TRA2A: variants seen among roughly 807,000 people sequenced by gnomAD.
The protein encoded by TRA2A is transformer 2 alpha homolog.
In TRA2A, 31 loss-of-function variants were observed where a neutral mutation model predicts 45.7. The observed-to-expected ratio is 0.68, with a 90% CI of 0.51 to 0.92. The LOEUF is 0.92. Among genes scored for constraint, TRA2A ranks in the 40% least tolerant of loss-of-function variants. The pLI is 0.00. For synonymous variants in TRA2A, 132 were observed against 126.2 expected (o/e 1.05, Z -0.31); for missense variants, 304 against 367.5 (o/e 0.83, Z 1.41).
intron 2 of TRA2A, among the ~76,000 whole-genome samples, chr7:23,520,683 ATTTTTTTTT>A (rs11346990): frequency 2.3e-5 from 3 of 129,724 alleles, no homozygotes; most frequent in Admixed American, 8.2e-5. Context: ...GCTGTTTTAA[ATTTTTTTTT>A]TTTTTTTTTT....
At chr7:23,530,495 A>G (rs1221223739) in intron 1 of TRA2A, among the ~76,000 whole-genome samples, 1 of 152,178 alleles carries the variant, frequency 6.6e-6, no homozygotes, top group Non-Finnish European at 1.5e-5. Context: ...AGGTGTTTTT[A>G]TGTGCTTCCC....
chr7:23,514,691 G>A (rs971779325), intron 3 of TRA2A, among the ~76,000 whole-genome samples: 1 of 151,912 alleles, frequency 6.6e-6, no homozygotes, highest in Non-Finnish European at 1.5e-5. Flanking sequence ...GCCTCCTTGG[G>A]CTCAGGGAAT....
At chr7:23,514,419 T>C (rs1436066485) in intron 3 of TRA2A, among the ~76,000 whole-genome samples, 1 of 152,162 alleles carries the variant, frequency 6.6e-6, no homozygotes, top group Non-Finnish European at 1.5e-5. Context: ...GAGGAAAATC[T>C]CTTTGAACAA....
chr7:23,516,233 G>A (rs1789864162), intron 3 of TRA2A, 130 bp downstream of exon 3: 8 of 803,128 alleles, frequency 1.0e-5, no homozygotes, highest in Middle Eastern at 3.8e-4. Flanking sequence ...GAAAGCTAAA[G>A]CAGCTTATTA....
chr7:23,518,300 G>C (rs1284226871), intron 2 of TRA2A, among the ~76,000 whole-genome samples: 1 of 151,654 alleles, frequency 6.6e-6, no homozygotes, highest in Non-Finnish European at 1.5e-5. Flanking sequence ...TCTAGTATCT[G>C]CTAAACTAAT....
chr7:23,513,147 C>CTGTG, intron 3 of TRA2A, 65 bp from the exon 4 acceptor site: 1 of 1,226,340 alleles, frequency 8.2e-7, no homozygotes, highest in Non-Finnish European at 1.1e-6. Flanking sequence ...CACAGAAATA[C>CTGTG]TTTGTTTAGA....
intron 4 of TRA2A, among the ~76,000 whole-genome samples, chr7:23,509,396 AG>A (rs1009470879): frequency 6.6e-6 from 1 of 152,166 alleles, no homozygotes; most frequent in African/African-American, 2.4e-5. Context: ...TTTCAGAATC[AG>A]GGAGAAGTTA....
chr7:23,515,268 C>T (rs1328962038), intron 3 of TRA2A, among the ~76,000 whole-genome samples: 6 of 125,290 alleles, frequency 4.8e-5, no homozygotes, highest in Non-Finnish European at 6.2e-5. Context: ...CTCGCTCTGT[C>T]GCCCAGGCTG....
At chr7:23,527,942 G>A (rs1388326959) in intron 1 of TRA2A, among the ~76,000 whole-genome samples, 4 of 152,100 alleles carry the variant, frequency 2.6e-5, no homozygotes, top group African/African-American at 7.2e-5. Flanking sequence ...TGCTTAAATG[G>A]AAGGGGAGAG....
rs561487992 is a variant in TRA2A at position 23,507,398 on chromosome 7, C to T, written c.641+22G>A. ...ATTTCTGGTGGATTTCATAGTTTAGCTTAGGAAACTTGAACTCTTACTGAG... is the reference window on the plus strand; with the variant it reads ...ATTTCTGGTGGATTTCATAGTTTAGTTTAGGAAACTTGAACTCTTACTGAG... On this transcript the variant is annotated intron_variant, in intron 5 of 7. Transcript: ENST00000297071. The T allele has an allele frequency of 1.9e-6, 3 of 1,584,248 alleles. No homozygotes were observed. In the African/African-American group the frequency reaches 4.0e-5, roughly 21 times the overall value.
intron 4 of TRA2A, among the ~76,000 whole-genome samples, chr7:23,511,560 A>T (rs912304080): frequency 6.6e-6 from 1 of 151,978 alleles, no homozygotes; most frequent in Admixed American, 6.6e-5. Context: ...CAATTTTCTA[A>T]ATCAATTACT....
chr7:23,529,762 A>G (rs117953636), intron 1 of TRA2A, among the ~76,000 whole-genome samples: 1 of 152,184 alleles, frequency 6.6e-6, no homozygotes, highest in Non-Finnish European at 1.5e-5. Context: ...AATATTTCCT[A>G]TGACCACAAA....
At chr7:23,525,484 G>GT (rs1173118845) in intron 1 of TRA2A, among the ~76,000 whole-genome samples, 1 of 152,086 alleles carries the variant, frequency 6.6e-6, no homozygotes, top group Non-Finnish European at 1.5e-5. Flanking sequence ...AACTCAACTC[G>GT]TATCATGAAT....
rs567187750 is a variant in TRA2A at position 23,511,370 on chromosome 7, C to CAAAAAAAAAAAAAAAAAA, written c.525+1506_525+1523dup. On this transcript the variant is annotated intron_variant, in intron 4 of 7. Coordinates refer to ENST00000297071, the MANE Select transcript of TRA2A (RefSeq NM_013293.5). ...TGGGCGACAGAGCGAGACTCCATCT[C>CAAAAAAAAAAAAAAAAAA]AAAAAAAAAAAAAAAAAAAAAAAAA... Among the ~76,000 whole-genome samples the CAAAAAAAAAAAAAAAAAA allele has an allele frequency of 1.2e-4, 5 of 40,116 alleles. 1 individual carries two copies. Among genetic ancestry groups the CAAAAAAAAAAAAAAAAAA allele is most frequent in the South Asian group, 1.4e-3 (1 of 720 alleles). The allele number at this position is 40,116 out of a possible 152,430, so 26.3% of individuals were successfully genotyped here.
intron 1 of TRA2A, among the ~76,000 whole-genome samples, chr7:23,528,751 T>C (rs1330932395): frequency 6.6e-6 from 1 of 151,694 alleles, no homozygotes; most frequent in Non-Finnish European, 1.5e-5. Context: ...CACTGCAACC[T>C]CTGCCTCCCG....
chr7:23,526,494 G>A (rs750434527), intron 1 of TRA2A, among the ~76,000 whole-genome samples: 4 of 152,100 alleles, frequency 2.6e-5, no homozygotes, highest in Admixed American at 1.3e-4. Flanking sequence ...GAAATGTACC[G>A]AAATTATTCA....
rs898416400 is a variant in TRA2A, at chr7:23,516,420, C to T, written c.279G>A (p.Arg93=). Residue 93 remains arginine (R), a synonymous_variant, in exon 3 of 8, where the codon CGG becomes CGA. Coordinates refer to ENST00000297071, the MANE Select transcript of TRA2A (RefSeq NM_013293.5). ...RSRSYTPEYR[R]RRSRSHSPMS... is the part of the protein sequence containing the mutation. ...TTGGAGAATGGCTTCGGCTCCTTCG[C>T]CGCCGGTATTCTGGTGTATATGATC... 1.2e-6 allele frequency: 2 copies of T among 1,614,246 alleles called. No homozygotes were observed. Among genetic ancestry groups the T allele is most frequent in the African/African-American group, 1.3e-5 (1 of 75,064 alleles).
At chr7:23,512,830 G>C (rs1789689128) in intron 4 of TRA2A, 64 bp downstream of exon 4, 3 of 1,144,418 alleles carry the variant, frequency 2.6e-6, no homozygotes, top group Admixed American at 5.5e-5. Context: ...ACAGAAATAA[G>C]TCTATTAATC....
At chr7:23,515,438 C>T (rs1184945038) in intron 3 of TRA2A, among the ~76,000 whole-genome samples, 1 of 152,010 alleles carries the variant, frequency 6.6e-6, no homozygotes, top group Non-Finnish European at 1.5e-5. Context: ...ACCGTGGTCT[C>T]GATCTCCTGA....
Sources: gnomAD v4.1 joint callset for allele counts (sites outside exome capture counted in the v4.1 genomes callset) on GRCh38, gnomAD v4.1.1 for gene constraint, MANE v1.5 for transcripts, NCBI Gene and HGNC (gene_info 2026-07-23, HGNC 2026-07-21) for gene names.